The following FRYL variants were observed in gnomAD, a reference collection of about 807,000 sequenced individuals.
The protein encoded by FRYL is protein furry homolog-like.
Under a neutral mutation model 351.2 loss-of-function variants are expected in FRYL, and 150 were observed. That is an observed-to-expected ratio of 0.43 (90% CI 0.37 to 0.49). The LOEUF (loss-of-function observed/expected upper bound fraction) is 0.49, where lower values mean the gene tolerates loss of function less well. Ranked by LOEUF, FRYL falls within the 20% of genes least tolerant of loss-of-function variation. The pLI is 0.00. For missense variants in FRYL, 3,036 were observed against 3,619.3 expected, an observed-to-expected ratio of 0.84 and a Z score of 4.13; for synonymous variants, 1,153 against 1,257.1, an observed-to-expected ratio of 0.92 and a Z score of 1.75.
intron 1 of FRYL, among the ~76,000 whole-genome samples, chr4:48,739,997 C>G (rs951943493): frequency 6.6e-6 from 1 of 152,158 alleles, no homozygotes; most frequent in Admixed American, 6.5e-5. Context: ...AGAAGGCCCT[C>G]ATAAGATGCA....
At chr4:48,775,089 A>G (rs1775873481) in intron 1 of FRYL, among the ~76,000 whole-genome samples, 1 of 152,226 alleles carries the variant, frequency 6.6e-6, no homozygotes, top group Non-Finnish European at 1.5e-5. Flanking sequence ...CCACAGGAAC[A>G]GCAGTGTTTG....
intron 3 of FRYL, among the ~76,000 whole-genome samples, chr4:48,676,701 T>C (rs1215079709): frequency 2.0e-5 from 3 of 152,200 alleles, no homozygotes. Flanking sequence ...AAGTTTCAAT[T>C]TCTTTAAAGT....
At chr4:48,633,112 C>T (rs1429885793) in intron 4 of FRYL, among the ~76,000 whole-genome samples, 3 of 152,058 alleles carry the variant, frequency 2.0e-5, no homozygotes, top group Non-Finnish European at 2.9e-5. Context: ...CATCCCACAT[C>T]GAACCTACAC....
At chr4:48,676,297 G>T (rs1446255776) in intron 3 of FRYL, among the ~76,000 whole-genome samples, 1 of 152,084 alleles carries the variant, frequency 6.6e-6, no homozygotes. Flanking sequence ...CACTCACCGC[G>T]AAGGTCTGCA....
intron 3 of FRYL, among the ~76,000 whole-genome samples, chr4:48,642,070 C>A (rs1440522544): frequency 2.6e-5 from 4 of 152,146 alleles, no homozygotes; most frequent in African/African-American, 9.7e-5. Context: ...TACTCACTAT[C>A]ATAAACTAAA....
intron 1 of FRYL, among the ~76,000 whole-genome samples, chr4:48,753,286 G>C (rs1773431998): frequency 6.6e-6 from 1 of 152,154 alleles, no homozygotes; most frequent in Non-Finnish European, 1.5e-5. Flanking sequence ...CAAAGTTACA[G>C]AAGTCATGTT....
chr4:48,630,641 C>T (rs996418162), intron 4 of FRYL, among the ~76,000 whole-genome samples: 56 of 152,114 alleles, frequency 3.7e-4, no homozygotes, highest in Admixed American at 6.5e-5. Flanking sequence ...ACCAATTGCC[C>T]TTCTTGAATC....
chr4:48,670,340 G>GGAA (rs1375558360), intron 3 of FRYL, among the ~76,000 whole-genome samples: 1 of 151,878 alleles, frequency 6.6e-6, no homozygotes, highest in African/African-American at 2.4e-5. Flanking sequence ...GGCTGAGGCA[G>GGAA]GAAGACTGCT....
intron 20 of FRYL, among the ~76,000 whole-genome samples, 163 bp from the exon 21 acceptor site, chr4:48,581,768 C>T (rs1463287029): frequency 6.6e-6 from 1 of 152,182 alleles, no homozygotes; most frequent in African/African-American, 2.4e-5. Flanking sequence ...GAATAGTGTG[C>T]ACAGTGAAAA....
intron 7 of FRYL, chr4:48,618,119 A>C (rs1375996053): frequency 2.0e-5 from 3 of 152,154 alleles, no homozygotes; most frequent in Non-Finnish European, 2.9e-5. Flanking sequence ...AAACCAAGAG[A>C]TCACAGAAGT....
At chr4:48,623,201 A>G (rs561155691) in intron 4 of FRYL, 22 bp from the exon 5 acceptor site, 2 of 1,178,820 alleles carry the variant, frequency 1.7e-6, no homozygotes, top group East Asian at 2.6e-5. Context: ...AAAAACAAAC[A>G]TTAAAAATAA....
chr4:48,712,720 C>T lies in FRYL; in HGVS notation c.-383-2022G>A, dbSNP rs191623134. On this transcript the variant is annotated intron_variant, in intron 1 of 63. Coordinates refer to ENST00000358350, the MANE Select transcript of FRYL (RefSeq NM_015030.2). Reference sequence around the variant, plus strand: ...TCAGATTCAGGAAATGCAGAGAACACCACAAAGATACTCCTCGAGAAGAGC... The same window carrying T: ...TCAGATTCAGGAAATGCAGAGAACATCACAAAGATACTCCTCGAGAAGAGC... Among the ~76,000 whole-genome samples the T allele has an allele frequency of 3.3e-5, 5 of 152,242 alleles. No individual in the cohort carries two copies. In the East Asian group the frequency reaches 9.7e-4, roughly 29 times the overall value.
At chr4:48,704,944 C>T (rs71595612) in intron 2 of FRYL, among the ~76,000 whole-genome samples, 2,484 of 134,112 alleles carry the variant, frequency 0.019, 30 homozygotes, top group Middle Eastern at 0.055. Context: ...AGCGAGACTC[C>T]GTCTCAAAAA....
At chr4:48,774,064 T>G (rs1214770888) in intron 1 of FRYL, among the ~76,000 whole-genome samples, 2 of 152,234 alleles carry the variant, frequency 1.3e-5, no homozygotes, top group African/African-American at 4.8e-5. Context: ...AAAATGTTAT[T>G]TTTTATTTAT....
At chr4:48,697,670 G>T (rs948822192) in intron 2 of FRYL, among the ~76,000 whole-genome samples, 2 of 152,056 alleles carry the variant, frequency 1.3e-5, no homozygotes, top group Non-Finnish European at 2.9e-5. Flanking sequence ...GTAGAGATGG[G>T]GTTTCACTAT....
chr4:48,632,630 A>T (rs544877438), intron 4 of FRYL, among the ~76,000 whole-genome samples: 1 of 151,900 alleles, frequency 6.6e-6, no homozygotes, highest in African/African-American at 2.4e-5. Flanking sequence ...ATAAAAATCA[A>T]TTTGCTATGT....
chr4:48,705,318 A>C (rs1767207098), intron 2 of FRYL, among the ~76,000 whole-genome samples: 1 of 151,826 alleles, frequency 6.6e-6, no homozygotes, highest in South Asian at 2.1e-4. Context: ...CTTGCTATAT[A>C]TATATAGCAA....
rs1753838211 is a variant in FRYL at position 48,634,474 on chromosome 4, G to A, written c.-64C>T. 1 of 1,609,226 alleles carries A rather than the reference G, an allele frequency of 6.2e-7. No individual in the cohort carries two copies. The highest frequency in any genetic ancestry group is 1.1e-5 in the South Asian group (1 of 90,666). ...AAGAAGCACAGTATTTATTTACTTT[G>A]CTGACTGGCGCTGAAGCTAAAAGTA... On this transcript the variant is annotated 5_prime_UTR_variant, in exon 4 of 64. An upstream open reading frame in the 5' UTR gains an earlier in-frame stop. Coordinates refer to ENST00000358350, the MANE Select transcript of FRYL (RefSeq NM_015030.2).
At chr4:48,571,067 C>G (rs1738209862) in intron 26 of FRYL, 149 bp from the exon 27 acceptor site, 2 of 561,238 alleles carry the variant, frequency 3.6e-6, no homozygotes, top group South Asian at 2.6e-5. Flanking sequence ...GCTACTGCCT[C>G]AAAGAGGTAT....
Sources: gnomAD v4.1 joint callset for allele counts (sites outside exome capture counted in the v4.1 genomes callset) on GRCh38, gnomAD v4.1.1 for gene constraint, MANE v1.5 for transcripts, NCBI Gene and HGNC (gene_info 2026-07-23, HGNC 2026-07-21) for gene names.